Variants in MYO7A observed in about 807,000 individuals in gnomAD.
MYO7A encodes the protein unconventional myosin-VIIa.
In MYO7A, 210 loss-of-function variants were observed where a neutral mutation model predicts 263.8. That is an observed-to-expected ratio of 0.80 (90% CI 0.71 to 0.89). The LOEUF (loss-of-function observed/expected upper bound fraction) is 0.89, where lower values mean the gene tolerates loss of function less well. MYO7A is among the 40% of genes least tolerant of loss of function. The pLI, the probability that MYO7A is intolerant of heterozygous loss-of-function variation, is 0.00. For synonymous variants in MYO7A, 1,239 were observed against 1,197.3 expected, an observed-to-expected ratio of 1.03 and a Z score of -0.72; for missense variants, 2,820 against 2,968.3, an observed-to-expected ratio of 0.95 and a Z score of 1.16.
chr11:77,139,487 A>G (rs1053310261), intron 2 of MYO7A: 1 of 152,030 alleles, frequency 6.6e-6, no homozygotes. Flanking sequence ...CAAGGTGAGT[A>G]CCAAGCAAGG....
rs71469548 is a variant in MYO7A, at chr11:77,179,023, C to A, written c.2283-22C>A. 2 of 1,577,348 alleles carry A rather than the reference C, an allele frequency of 1.3e-6. 1 individual carries two copies. The highest frequency in any genetic ancestry group is 2.3e-5 in the South Asian group (2 of 85,992). On this transcript the variant is annotated intron_variant, in intron 19 of 48. Coordinates refer to ENST00000409709, the MANE Select transcript of MYO7A (RefSeq NM_000260.4). The stretch of plus-strand genomic sequence containing the variant: ...TGGCTGCCTCTGGACACTGCTCACC[C>A]GCGCCACTACTGCTGTTTCAGGTCT...
At chr11:77,161,668 G>T (rs1555068886) in intron 12 of MYO7A, among the ~76,000 whole-genome samples, 1 of 152,208 alleles carries the variant, frequency 6.6e-6, no homozygotes, top group East Asian at 1.9e-4. Context: ...TGTGTCCGTG[G>T]CTCGGCCATG....
intron 27 of MYO7A, among the ~76,000 whole-genome samples, chr11:77,188,069 A>G (rs1591403773): frequency 6.6e-6 from 1 of 152,198 alleles, no homozygotes; most frequent in East Asian, 1.9e-4. Context: ...TGACACTTCT[A>G]GGAAACACGG....
At position 77,182,329 on chromosome 11, in the gene MYO7A, G is replaced by A. The variant is rs1955304437; in HGVS notation, c.3109-95G>A. 4 of 1,460,274 alleles carry A rather than the reference G, an allele frequency of 2.7e-6. No homozygotes were observed. The African/African-American group carries it at 4.4e-5, about 16-fold the overall frequency. The allele number at this position is 1,460,274 out of a possible 1,614,324, so 90.5% of individuals were successfully genotyped here. A position where few individuals can be genotyped will look rare whatever the true frequency, so the allele number is the denominator to read the frequency against. ...GCCTGAGGGCTGACCATGCGGGAGG[G>A]GGTGTCTCCAGCCCACTCCCCAAAC... On this transcript the variant is annotated intron_variant, in intron 24 of 48. Coordinates refer to ENST00000409709, the MANE Select transcript of MYO7A (RefSeq NM_000260.4).
intron 23 of MYO7A, 99 bp downstream of exon 23, chr11:77,181,688 T>A: frequency 2.6e-6 from 3 of 1,176,336 alleles, no homozygotes; most frequent in Non-Finnish European, 2.4e-6. Context: ...ACCCAGTCCC[T>A]CTGAACAGTG....
rs374575441 is a variant in MYO7A, at chr11:77,213,023, T to A, written c.6426T>A (p.Asp2142Glu). The A allele has an allele frequency of 4.2e-5, 66 of 1,578,318 alleles. 1 individual carries two copies. The highest frequency in any genetic ancestry group is 1.9e-4 in the South Asian group (16 of 85,790). ...ACAAGTATGGGGTCAGCCTCATCGA[T>A]CCCAAAACGAAGGTGAGCAGGGATA... ...AINKYGVSLI[D>E]PKTKDILTTH... is the part of the protein sequence containing the mutation. The change falls in exon 47 of 49, where the codon GAT (aspartate) becomes GAA (glutamate). Residue 2142 changes from aspartate (D) to glutamate (E), a missense_variant. Transcript: ENST00000409709.
rs782529538 is a variant in MYO7A at position 77,158,386 on chromosome 11, A to G, written c.959A>G (p.Lys320Arg). The G allele has an allele frequency of 1.9e-6, 3 of 1,612,920 alleles. No individual in the cohort carries two copies. The highest frequency in any genetic ancestry group is 2.2e-5 in the East Asian group (1 of 44,854). The stretch of plus-strand genomic sequence containing the variant: ...GACACCGAGAACTGGGAGATCTCGA[A>G]GCTCCTGGCTGCCATCCTGCACCTG... ...FTDTENWEIS[K>R]LLAAILHLGN... is the part of the protein sequence containing the mutation. The change falls in exon 9 of 49, where the codon AAG becomes AGG. Residue 320 changes from lysine (K) to arginine (R), a missense_variant. Coordinates refer to ENST00000409709, the MANE Select transcript of MYO7A (RefSeq NM_000260.4).
At chr11:77,173,428 T>G (rs1198570741) in intron 16 of MYO7A, among the ~76,000 whole-genome samples, 1 of 152,236 alleles carries the variant, frequency 6.6e-6, no homozygotes, top group Non-Finnish European at 1.5e-5. Context: ...GGGCCCTTTC[T>G]GTGTGCCCAG....
In MYO7A at chr11:77,176,885, A is replaced by G. The variant is rs551010394; in HGVS notation, c.2188-664A>G. 7.1e-4 allele frequency among the ~76,000 whole-genome samples: 108 copies of G among 152,184 alleles called. 1 individual carries two copies. The highest frequency in any genetic ancestry group is 2.5e-3 in the South Asian group (12 of 4,816). ...GCCAGCACATGGAGGTGTTCAATTC[A>G]TATATATTAAGTGAACCAATGAAGT... is the stretch of plus-strand genomic sequence containing the variant. On this transcript the variant is annotated intron_variant, in intron 18 of 48. Transcript: ENST00000409709.
At chr11:77,129,717 G>A (rs1237784829) in intron 1 of MYO7A, among the ~76,000 whole-genome samples, 1 of 152,192 alleles carries the variant, frequency 6.6e-6, no homozygotes, top group African/African-American at 2.4e-5. Flanking sequence ...TGGCAGCTTG[G>A]GAGTGGTCAG....
At chr11:77,174,624 T>C in intron 16 of MYO7A, 132 bp from the exon 17 acceptor site, 1 of 884,752 alleles carries the variant, frequency 1.1e-6, no homozygotes, top group Non-Finnish European at 1.7e-6. Context: ...CCGGTGCCTG[T>C]CCCAGCTTTG....
Position 77,203,074 on chromosome 11 carries a change from A to G in MYO7A, c.5183A>G (p.His1728Arg). 1 of 1,548,094 alleles carries G rather than the reference A, an allele frequency of 6.5e-7. No homozygotes were observed. The highest frequency in any genetic ancestry group is 8.7e-7 in the Non-Finnish European group (1 of 1,146,712). ...SYDYFRPPPK[H>R]TLSRVMVSKA... is the part of the protein sequence containing the mutation. ...TGCTGCGGCAGGCCCCCACCCAAGC[A>G]CACGCTGAGCCGTGTCATGGTGTCC... Residue 1728 changes from histidine (H) to arginine (R), a missense_variant, in exon 38 of 49, where the codon CAC becomes CGC. His to Arg is a conservative substitution (Grantham distance 29). Coordinates refer to ENST00000409709, the MANE Select transcript of MYO7A (RefSeq NM_000260.4).
intron 14 of MYO7A, among the ~76,000 whole-genome samples, chr11:77,165,824 T>TG (rs1380822522): frequency 6.6e-6 from 1 of 152,180 alleles, no homozygotes; most frequent in Non-Finnish European, 1.5e-5. Flanking sequence ...GAGACCCCCC[T>TG]GCCCTTCTTG....
intron 3 of MYO7A, among the ~76,000 whole-genome samples, chr11:77,145,789 G>T (rs1951518227): frequency 6.6e-6 from 1 of 151,964 alleles, no homozygotes; most frequent in South Asian, 2.1e-4. Flanking sequence ...AAACTGGGGT[G>T]GGGGGCTCTG....
intron 20 of MYO7A, 50 bp downstream of exon 20, chr11:77,179,179 C>A (rs540722150): frequency 4.0e-6 from 6 of 1,507,242 alleles, no homozygotes; most frequent in African/African-American, 1.4e-5. Context: ...TTGAACCCAG[C>A]CTTGCTGCCA....
chr11:77,198,718 C>G, intron 34 of MYO7A, 97 bp downstream of exon 34: 2 of 1,549,374 alleles, frequency 1.3e-6, no homozygotes, highest in Non-Finnish European at 1.7e-6. Flanking sequence ...CATGAAGTGG[C>G]CTGCCTGGTT....
intron 29 of MYO7A, 120 bp from the exon 30 acceptor site, chr11:77,190,577 G>GGGC: frequency 8.6e-7 from 1 of 1,157,792 alleles, no homozygotes. Context: ...TCCCAGTGAG[G>GGGC]TACTGGGGCC....
rs532551232 is a variant in MYO7A at position 77,157,941 on chromosome 11, G to A, written c.850-336G>A. 9.2e-5 allele frequency among the ~76,000 whole-genome samples: 14 copies of A among 152,276 alleles called. No individual in the cohort carries two copies. In the East Asian group the frequency reaches 2.1e-3, roughly 23 times the overall value. ...CGAGTCCCTGATAGTGGGTATCCCC[G>A]GGGGGCTGCAGGAGCCTAGTAGGGC... On this transcript the variant is annotated intron_variant, in intron 8 of 48. Coordinates refer to ENST00000409709, the MANE Select transcript of MYO7A (RefSeq NM_000260.4).
At position 77,181,402 on chromosome 11, in the gene MYO7A, G is replaced by T. The variant is rs868977760; in HGVS notation, c.2717G>T (p.Arg906Leu). ...KHQERLAQLA[R>L]EDAERELKEK... ...CAGGAGCGCCTGGCCCAGCTGGCTC[G>T]TGAGGACGCTGAGCGGGAGCTGAAG... is the stretch of plus-strand genomic sequence containing the variant. Residue 906 changes from arginine (R) to leucine (L), a missense_variant, in exon 23 of 49, where the codon CGT becomes CTT. Arg to Leu is a moderately radical substitution (Grantham distance 102). Coordinates refer to ENST00000409709, the MANE Select transcript of MYO7A (RefSeq NM_000260.4). 6 of 1,576,212 alleles carry T rather than the reference G, an allele frequency of 3.8e-6. No individual in the cohort carries two copies. The highest frequency in any genetic ancestry group is 3.7e-5 in the Admixed American group (2 of 54,090).
Sources: allele counts gnomAD v4.1 joint callset (sites outside exome capture counted in the v4.1 genomes callset), GRCh38; gene constraint gnomAD v4.1.1; transcripts MANE v1.5; gene names NCBI Gene and HGNC (gene_info 2026-07-23, HGNC 2026-07-21).